The following PRSS3 variants were observed in gnomAD, a reference collection of about 807,000 sequenced individuals.
PRSS3 encodes serine protease 3.
A neutral mutation model predicts 20.8 loss-of-function variants in PRSS3; 14 were observed. The ratio of observed to expected loss-of-function variants is 0.67; its 90% CI spans 0.44 to 1.05. The LOEUF (loss-of-function observed/expected upper bound fraction) is 1.05. Among genes scored for constraint, PRSS3 ranks in the 50% least tolerant of loss-of-function variants. PRSS3 has a pLI of 0.00. For synonymous variants in PRSS3, 91 were observed against 117.6 expected (o/e 0.77, Z 1.46); for missense variants, 237 against 306.4 (o/e 0.77, Z 1.69).
intron 1 of PRSS3, among the ~76,000 whole-genome samples, chr9:33,767,673 A>C (rs1451210029): frequency 1.3e-5 from 2 of 152,052 alleles, no homozygotes; most frequent in Non-Finnish European, 2.9e-5. Context: ...AAAATACAAA[A>C]AATTAGCCAG....
chr9:33,754,656 C>T (rs976693879), intron 1 of PRSS3, among the ~76,000 whole-genome samples: 7 of 151,818 alleles, frequency 4.6e-5, no homozygotes, highest in African/African-American at 1.7e-4. Flanking sequence ...ATGGTGAAAC[C>T]CCATCTCTAC....
intron 1 of PRSS3, among the ~76,000 whole-genome samples, chr9:33,769,419 C>T (rs970132506): frequency 6.6e-6 from 1 of 152,180 alleles, no homozygotes; most frequent in Admixed American, 6.5e-5. Flanking sequence ...GTGGAGGGCC[C>T]TCTTGTCAAA....
chr9:33,753,273 C>T (rs558107502), intron 1 of PRSS3, among the ~76,000 whole-genome samples: 5 of 152,120 alleles, frequency 3.3e-5, no homozygotes, highest in African/African-American at 1.2e-4. Flanking sequence ...ATCTTTGTTC[C>T]ATATAATTAC....
intron 1 of PRSS3, among the ~76,000 whole-genome samples, chr9:33,761,114 C>T (rs10971687): frequency 0.32 from 48,067 of 152,104 alleles, 8,536 homozygotes; most frequent in East Asian, 0.56. Context: ...TGGCACTTAA[C>T]GACAGGGACA....
At chr9:33,791,704 T>C (rs1824637911), upstream of PRSS3, among the ~76,000 whole-genome samples, 1 of 151,882 alleles carries the variant, frequency 6.6e-6, no homozygotes, top group African/African-American at 2.4e-5. Context: ...AACAAGAGAG[T>C]GGTCAAGGAG....
chr9:33,785,160 A>ATTTTTTTT lies in PRSS3; in HGVS notation c.-52-9558_-52-9551dup, dbSNP rs74180504. ...GAAAAAGATCATAGCATTGTGGTCA[A>ATTTTTTTT]TTTTTTTTTTTTTTTTTTTTTTTTT... On this transcript the variant is annotated intron_variant, in intron 1 of 5. Transcript: ENST00000342836. Among the ~76,000 whole-genome samples the ATTTTTTTT allele has an allele frequency of 2.1e-3, 154 of 72,488 alleles. 13 individuals are homozygous for ATTTTTTTT. The highest frequency in any genetic ancestry group is 4.3e-3 in the African/African-American group (57 of 13,318). 47.6% of individuals were successfully genotyped at this position (72,488 alleles called of 152,430 possible). A position where few individuals can be genotyped will look rare whatever the true frequency, so the allele number is the denominator to read the frequency against.
At chr9:33,753,299 C>G (rs1396050087) in intron 1 of PRSS3, among the ~76,000 whole-genome samples, 1 of 152,068 alleles carries the variant, frequency 6.6e-6, no homozygotes, top group Non-Finnish European at 1.5e-5. Context: ...TATCTTAGAG[C>G]TGGGTATAAC....
At chr9:33,791,073 C>CAGCT (rs2119061759), upstream of PRSS3, among the ~76,000 whole-genome samples, 1 of 152,286 alleles carries the variant, frequency 6.6e-6, no homozygotes, top group Non-Finnish European at 1.5e-5. Context: ...CACAAAATTA[C>CAGCT]AGCTAGATAG....
chr9:33,794,804 G>C (rs547356410), upstream of PRSS3: 58 of 1,550,900 alleles, frequency 3.7e-5, 1 homozygote, highest in South Asian at 6.8e-4. Context: ...GCACATGAGA[G>C]AGACAAGTGG....
At chr9:33,794,784 A>G (rs558792594), upstream of PRSS3, 1,706 of 1,550,780 alleles carry the variant, frequency 1.1e-3, 2 homozygotes, top group Non-Finnish European at 1.3e-3. Flanking sequence ...AAAAGAACCT[A>G]TGACAGGATG....
At chr9:33,756,744 G>A (rs1563955615) in intron 1 of PRSS3, among the ~76,000 whole-genome samples, 2 of 152,156 alleles carry the variant, frequency 1.3e-5, no homozygotes, top group Admixed American at 6.5e-5. Context: ...CTCATTTCAT[G>A]AATGCAGTAT....
intron 2 of PRSS3, among the ~76,000 whole-genome samples, 171 bp downstream of exon 2, chr9:33,796,973 A>G (rs1339843484): frequency 6.6e-6 from 1 of 152,202 alleles, no homozygotes; most frequent in Admixed American, 6.5e-5. Flanking sequence ...TGAAACAGCA[A>G]GGGTTGTGGT....
intron 1 of PRSS3, among the ~76,000 whole-genome samples, chr9:33,754,896 G>T (rs1587366306): frequency 6.6e-6 from 1 of 152,286 alleles, no homozygotes; most frequent in East Asian, 1.9e-4. Context: ...AATGAACATT[G>T]GGTAGGCAGC....
At chr9:33,785,077 T>A (rs1230445042) in intron 1 of PRSS3, among the ~76,000 whole-genome samples, 1 of 151,416 alleles carries the variant, frequency 6.6e-6, no homozygotes, top group African/African-American at 2.4e-5. Context: ...GCTCTACTCT[T>A]ATGCAAAAAT....
At chr9:33,755,198 G>T (rs369754397) in intron 1 of PRSS3, among the ~76,000 whole-genome samples, 5 of 152,168 alleles carry the variant, frequency 3.3e-5, no homozygotes, top group African/African-American at 1.2e-4. Flanking sequence ...TTTAGCAGAA[G>T]TGCCTTTATT....
intron 2 of PRSS3, among the ~76,000 whole-genome samples, chr9:33,797,307 T>A (rs1825015959): frequency 6.6e-6 from 1 of 152,116 alleles, no homozygotes; most frequent in African/African-American, 2.4e-5. Context: ...CTGGGTCCCA[T>A]CCCCAAGGTT....
At chr9:33,755,222 C>A (rs1005469996) in intron 1 of PRSS3, among the ~76,000 whole-genome samples, 1 of 152,152 alleles carries the variant, frequency 6.6e-6, no homozygotes, top group African/African-American at 2.4e-5. Flanking sequence ...TTTCCGTTAG[C>A]TTTTTGCCTC....
chr9:33,794,743 C>T (rs1824819619), upstream of PRSS3: 27 of 1,545,886 alleles, frequency 1.7e-5, no homozygotes, highest in African/African-American at 2.7e-5. Context: ...ACCCTAAGTG[C>T]AGGTTGCCAG....
intron 1 of PRSS3, among the ~76,000 whole-genome samples, chr9:33,757,670 G>A (rs887333521): frequency 2.6e-5 from 4 of 152,070 alleles, no homozygotes; most frequent in East Asian, 3.9e-4. Flanking sequence ...CTGACAGCAC[G>A]GGCCCAGGCT....
Sources: allele counts gnomAD v4.1 joint callset (sites outside exome capture counted in the v4.1 genomes callset), GRCh38; gene constraint gnomAD v4.1.1; transcripts MANE v1.5; gene names NCBI Gene and HGNC (gene_info 2026-07-23, HGNC 2026-07-21).